Variants in SEC24D observed in about 807,000 individuals in gnomAD.
The protein encoded by SEC24D is protein transport protein Sec24D.
In SEC24D, 69 loss-of-function variants were observed where a neutral mutation model predicts 116.9. The ratio of observed to expected loss-of-function variants is 0.59; its 90% CI spans 0.49 to 0.72. The LOEUF is 0.72. Among genes scored for constraint, SEC24D ranks in the 30% least tolerant of loss-of-function variants. The pLI, the probability that SEC24D is intolerant of heterozygous loss-of-function variation, is 0.00. For synonymous variants in SEC24D, 405 were observed against 442.8 expected, an observed-to-expected ratio of 0.91 and a Z score of 1.07; for missense variants, 1,131 against 1,264.1, an observed-to-expected ratio of 0.89 and a Z score of 1.60.
chr4:118,781,505 C>T (rs993895893), intron 8 of SEC24D, among the ~76,000 whole-genome samples: 2 of 152,194 alleles, frequency 1.3e-5, no homozygotes, highest in Non-Finnish European at 2.9e-5. Context: ...ACCTTTCTCT[C>T]TGGCTGCCCT....
intron 8 of SEC24D, among the ~76,000 whole-genome samples, chr4:118,790,472 A>T (rs1453945972): frequency 6.6e-6 from 1 of 152,224 alleles, no homozygotes; most frequent in Non-Finnish European, 1.5e-5. Flanking sequence ...AGCATCAAAA[A>T]TTAAAACACA....
intron 8 of SEC24D, among the ~76,000 whole-genome samples, chr4:118,795,011 C>T (rs1181238382): frequency 1.3e-5 from 2 of 151,818 alleles, no homozygotes; most frequent in Admixed American, 1.3e-4. Context: ...TAGAAGGAAT[C>T]ACAAAGAACA....
At position 118,738,393 on chromosome 4, in the gene SEC24D, C is replaced by T. The variant is rs1553922528; in HGVS notation, c.2378-14G>A. On this transcript the variant is annotated splice_polypyrimidine_tract_variant and intron_variant, in intron 18 of 22. Transcript: ENST00000280551. ...CTGCTTTAAAAGCTACATCACAAAA[C>T]AATGAAAAGGACATGAGTTTTAGCT... 4.5e-6 allele frequency: 7 copies of T among 1,541,478 alleles called. No homozygotes were observed. In the African/African-American group the frequency reaches 6.8e-5, roughly 15 times the overall value.
chr4:118,799,868 A>G (rs77330609), intron 7 of SEC24D, among the ~76,000 whole-genome samples: 1 of 152,344 alleles, frequency 6.6e-6, no homozygotes, highest in East Asian at 1.9e-4. Flanking sequence ...AGAGGGGTGG[A>G]AAGAAAAGAG....
chr4:118,734,635 CTCATGAT>C (rs1453003405), intron 19 of SEC24D, among the ~76,000 whole-genome samples: 1 of 152,196 alleles, frequency 6.6e-6, no homozygotes, highest in African/African-American at 2.4e-5. Flanking sequence ...TAAGTCTCTT[CTCATGAT>C]GTACTAAGTA....
intron 4 of SEC24D, among the ~76,000 whole-genome samples, chr4:118,817,051 C>A (rs1188559477): frequency 6.6e-6 from 1 of 152,108 alleles, no homozygotes; most frequent in Non-Finnish European, 1.5e-5. Flanking sequence ...TTCTGAGGGT[C>A]CTTCAATTAC....
chr4:118,727,965 TC>T (rs1725493459), intron 22 of SEC24D, among the ~76,000 whole-genome samples: 1 of 152,104 alleles, frequency 6.6e-6, no homozygotes, highest in Admixed American at 6.6e-5. Context: ...TTATAGCTCT[TC>T]AGTAAGCAGT....
chr4:118,824,043 C>G (rs547894741), intron 3 of SEC24D, among the ~76,000 whole-genome samples: 13 of 152,262 alleles, frequency 8.5e-5, no homozygotes, highest in East Asian at 3.9e-4. Flanking sequence ...ATATAAAATT[C>G]TAAAATAAAC....
chr4:118,739,358 T>A, intron 17 of SEC24D, 71 bp from the exon 18 acceptor site: 2 of 1,462,474 alleles, frequency 1.4e-6, no homozygotes, highest in Non-Finnish European at 1.9e-6. Flanking sequence ...TGATCTTACT[T>A]GCATTTACAA....
At chr4:118,823,370 T>C (rs954489470) in intron 3 of SEC24D, among the ~76,000 whole-genome samples, 23 of 152,280 alleles carry the variant, frequency 1.5e-4, no homozygotes, top group African/African-American at 5.5e-4. Flanking sequence ...CTGATGACTT[T>C]AAAAAATCCC....
intron 8 of SEC24D, among the ~76,000 whole-genome samples, chr4:118,776,422 G>A (rs1055578566): frequency 7.9e-5 from 12 of 152,244 alleles, no homozygotes; most frequent in Admixed American, 5.9e-4. Context: ...GGCAGCTCCT[G>A]GTGAGAGGGT....
chr4:118,750,702 A>G (rs1726780771), intron 13 of SEC24D, among the ~76,000 whole-genome samples: 1 of 152,186 alleles, frequency 6.6e-6, no homozygotes. Context: ...AATAGAAGAC[A>G]TTTGTTTGTA....
chr4:118,786,809 C>A (rs2110492853), intron 8 of SEC24D, among the ~76,000 whole-genome samples: 1 of 152,242 alleles, frequency 6.6e-6, no homozygotes, highest in Admixed American at 6.5e-5. Flanking sequence ...TTGAGGCAAT[C>A]TAGTGACTAG....
At position 118,791,930 on chromosome 4, in the gene SEC24D, T is replaced by G. The variant is rs558371362; in HGVS notation, c.1041+5753A>C. Among the ~76,000 whole-genome samples, 3 of 152,300 alleles carry G rather than the reference T, an allele frequency of 2.0e-5. No individual in the cohort carries two copies. In the South Asian group the frequency reaches 6.2e-4, roughly 32 times the overall value. On this transcript the variant is annotated intron_variant, in intron 8 of 22. Transcript: ENST00000280551. ...CTCCCAAAGTGCTGAGTTTGCAGCC[T>G]CTGCCCGACCGCCACCCCGTCTAGG...
In SEC24D at chr4:118,740,734, A is replaced by G; in HGVS notation, c.2167T>C (p.Cys723Arg). 1 of 1,613,988 alleles carries G rather than the reference A, an allele frequency of 6.2e-7. No individual in the cohort carries two copies. Among genetic ancestry groups the G allele is most frequent in the African/African-American group, 1.3e-5 (1 of 75,054 alleles). The change falls in exon 17 of 23, where the codon TGT becomes CGT. Residue 723 changes from cysteine (C) to arginine (R), a missense_variant. Cys to Arg is a radical substitution (Grantham distance 180, BLOSUM62 -3). Transcript: ENST00000280551. ...AACTCCACGGTCACTGCCTTGTCAC[A>G]ATCGATGGCAGCCATTTCTACATCG... ...TTDVEMAAID[C>R]DKAVTVEFKH...
chr4:118,785,819 G>T (rs1221444720), intron 8 of SEC24D, among the ~76,000 whole-genome samples: 1 of 151,942 alleles, frequency 6.6e-6, no homozygotes, highest in Non-Finnish European at 1.5e-5. Flanking sequence ...CCACTGAAGG[G>T]GTTTGATGAC....
At chr4:118,817,589 C>T (rs1730207764) in intron 3 of SEC24D, among the ~76,000 whole-genome samples, 177 bp from the exon 4 acceptor site, 1 of 151,772 alleles carries the variant, frequency 6.6e-6, no homozygotes, top group Non-Finnish European at 1.5e-5. Context: ...GATCATGTAG[C>T]ATCATCTTAT....
chr4:118,813,483 C>T (rs556897914), intron 6 of SEC24D, among the ~76,000 whole-genome samples: 6 of 152,322 alleles, frequency 3.9e-5, no homozygotes, highest in African/African-American at 9.6e-5. Context: ...AATCCCAAAG[C>T]GGCACAGAGC....
chr4:118,819,742 G>A (rs978616501), intron 3 of SEC24D, among the ~76,000 whole-genome samples: 4 of 152,054 alleles, frequency 2.6e-5, no homozygotes, highest in African/African-American at 9.7e-5. Context: ...ATAAATGCTA[G>A]TACTTTTAAA....
Sources: allele counts gnomAD v4.1 joint callset (sites outside exome capture counted in the v4.1 genomes callset), GRCh38; gene constraint gnomAD v4.1.1; transcripts MANE v1.5; gene names NCBI Gene and HGNC (gene_info 2026-07-23, HGNC 2026-07-21).